Variants in OPRM1 observed in about 807,000 individuals in gnomAD.
OPRM1 encodes the protein opioid receptor mu 1.
Under a neutral mutation model 31.8 loss-of-function variants are expected in OPRM1, and 27 were observed. That is an observed-to-expected ratio of 0.85 (90% confidence interval 0.63 to 1.17). The LOEUF (loss-of-function observed/expected upper bound fraction) is 1.17. Among genes scored for constraint, OPRM1 ranks in the 50% most tolerant of loss-of-function variants. The probability of loss-of-function intolerance (pLI) is 0.00; values close to 1 mark genes in which losing one functional copy is unlikely to be tolerated. For missense variants in OPRM1, 536 were observed against 511.1 expected (o/e 1.05, Z -0.47); for synonymous variants, 196 against 189.9 (o/e 1.03, Z -0.26).
chr6:154,044,796 C>T (rs537504952), intron 1 of OPRM1, among the ~76,000 whole-genome samples: 1 of 152,104 alleles, frequency 6.6e-6, no homozygotes, highest in East Asian at 1.9e-4. Context: ...GGATCTCTTA[C>T]ATATAAAAGT....
At chr6:154,109,987 G>A (rs528405445) in intron 3 of OPRM1, among the ~76,000 whole-genome samples, 1 of 152,288 alleles carries the variant, frequency 6.6e-6, no homozygotes, top group South Asian at 2.1e-4. Context: ...ATCAGTCCCA[G>A]TTAGGCATGA....
At chr6:154,084,085 T>C (rs1789889280) in intron 1 of OPRM1, among the ~76,000 whole-genome samples, 1 of 152,016 alleles carries the variant, frequency 6.6e-6, no homozygotes, top group African/African-American at 2.4e-5. Flanking sequence ...CCCCGTCTTC[T>C]CTTTTTGAGG....
At chr6:154,061,100 C>T (rs1461841508) in intron 1 of OPRM1, among the ~76,000 whole-genome samples, 1 of 152,082 alleles carries the variant, frequency 6.6e-6, no homozygotes, top group Non-Finnish European at 1.5e-5. Flanking sequence ...ATTGGAGATA[C>T]TTGATTTATA....
chr6:154,199,891 C>T (rs777482250), intron 3 of OPRM1: 57 of 1,614,150 alleles, frequency 3.5e-5, no homozygotes, highest in Non-Finnish European at 4.5e-5. Flanking sequence ...CAGCAGCAGA[C>T]AAACTGTTAA....
At chr6:154,205,233 G>A (rs1186341928) in intron 3 of OPRM1, among the ~76,000 whole-genome samples, 1 of 152,098 alleles carries the variant, frequency 6.6e-6, no homozygotes, top group Non-Finnish European at 1.5e-5. Context: ...AACTCAAGAT[G>A]CTCAAGGGAG....
upstream of OPRM1, among the ~76,000 whole-genome samples, chr6:154,035,689 T>C (rs1348358652): frequency 1.3e-5 from 2 of 152,120 alleles, no homozygotes; most frequent in East Asian, 1.9e-4. Context: ...ACTAAGCCAA[T>C]AGATGTTGAA....
At chr6:154,099,645 A>G (rs1039848963) in intron 3 of OPRM1, among the ~76,000 whole-genome samples, 22 of 100,468 alleles carry the variant, frequency 2.2e-4, no homozygotes, top group Admixed American at 7.4e-4. Context: ...ATACACACAT[A>G]TATATACACA....
chr6:154,037,094 A>T (rs1779349390), upstream of OPRM1, among the ~76,000 whole-genome samples: 1 of 152,022 alleles, frequency 6.6e-6, no homozygotes, highest in African/African-American at 2.4e-5. Flanking sequence ...TAAAAGTAAA[A>T]AAATCTATAG....
intron 1 of OPRM1, 79 bp from the exon 2 acceptor site, chr6:154,089,747 A>G (rs1791583128): frequency 3.0e-6 from 3 of 1,002,272 alleles, no homozygotes; most frequent in Non-Finnish European, 4.5e-6. Context: ...TAATTCATGC[A>G]AATTTATTAT....
At chr6:154,180,890 T>C (rs1583724314) in intron 3 of OPRM1, among the ~76,000 whole-genome samples, 6 of 152,240 alleles carry the variant, frequency 3.9e-5, no homozygotes, top group Admixed American at 3.3e-4. Flanking sequence ...TGGAAAAATT[T>C]AGGTAGAAAA....
At chr6:154,188,131 C>T (rs1801545382) in intron 3 of OPRM1, among the ~76,000 whole-genome samples, 1 of 152,110 alleles carries the variant, frequency 6.6e-6, no homozygotes, top group Non-Finnish European at 1.5e-5. Flanking sequence ...GGATAAATTA[C>T]TAGAATTAAA....
intron 3 of OPRM1, among the ~76,000 whole-genome samples, chr6:154,099,159 C>A (rs1014050204): frequency 6.6e-5 from 10 of 151,962 alleles, no homozygotes; most frequent in Non-Finnish European, 1.3e-4. Context: ...GTGGCATGCA[C>A]CTGTAGGTCT....
At chr6:154,040,832 A>G (rs1030643581) in intron 1 of OPRM1, among the ~76,000 whole-genome samples, 1 of 152,228 alleles carries the variant, frequency 6.6e-6, no homozygotes, top group African/African-American at 2.4e-5. Context: ...AGCTCTCAGT[A>G]TTGACTGAGA....
chr6:154,224,532 AC>A (rs1455981625), intron 3 of OPRM1, among the ~76,000 whole-genome samples: 1 of 151,868 alleles, frequency 6.6e-6, no homozygotes. Context: ...ACACGGTGAA[AC>A]CCCATCTCTA....
chr6:154,118,726 G>T lies in OPRM1; in HGVS notation c.*5G>T. On this transcript the variant is annotated 3_prime_UTR_variant, in exon 4 of 4. Coordinates refer to ENST00000330432, the MANE Select transcript of OPRM1 (RefSeq NM_000914.5). ...GAAACTGCTCCGTTGCCCTAACAGG[G>T]TCTCATGCCATTCCGACCTTCACCA... 6.2e-7 allele frequency: 1 copy of T among 1,613,008 alleles called. No homozygotes were observed. Among genetic ancestry groups the T allele is most frequent in the Non-Finnish European group, 8.5e-7 (1 of 1,179,504 alleles).
chr6:154,057,182 A>G (rs1783476550), intron 1 of OPRM1, among the ~76,000 whole-genome samples: 1 of 152,232 alleles, frequency 6.6e-6, no homozygotes, highest in East Asian at 1.9e-4. Flanking sequence ...CAGGGAAGAC[A>G]TTGAACAGAC....
chr6:154,160,272 T>C (rs1355292152), intron 3 of OPRM1, among the ~76,000 whole-genome samples: 2 of 152,194 alleles, frequency 1.3e-5, no homozygotes, highest in Non-Finnish European at 2.9e-5. Flanking sequence ...GAGCTAGACA[T>C]ATAGCAAAGA....
chr6:154,124,728 T>G lies in OPRM1; in HGVS notation c.*6007T>G, dbSNP rs774364343. On this transcript the variant is annotated 3_prime_UTR_variant, in exon 4 of 4. Transcript: ENST00000330432. ...GGTCTCAGACAGTGCAGAAGCTTTATTGTTTATTTGGGAAGAGCAAGGTAA... is the reference window on the plus strand; with the variant it reads ...GGTCTCAGACAGTGCAGAAGCTTTAGTGTTTATTTGGGAAGAGCAAGGTAA... Among the ~76,000 whole-genome samples the G allele has an allele frequency of 2.6e-5, 4 of 152,216 alleles. No homozygotes were observed. Among genetic ancestry groups the G allele is most frequent in the Non-Finnish European group, 5.9e-5 (4 of 68,038 alleles).
At chr6:154,112,343 C>G (rs1796449251) in intron 3 of OPRM1, among the ~76,000 whole-genome samples, 1 of 152,162 alleles carries the variant, frequency 6.6e-6, no homozygotes, top group African/African-American at 2.4e-5. Flanking sequence ...CCAGAGAAAA[C>G]CACTTATTAC....
Sources: allele counts gnomAD v4.1 joint callset (sites outside exome capture counted in the v4.1 genomes callset), GRCh38; gene constraint gnomAD v4.1.1; transcripts MANE v1.5; gene names NCBI Gene and HGNC (gene_info 2026-07-23, HGNC 2026-07-21).